Variants in BRINP2 observed in about 807,000 individuals in gnomAD.
BRINP2 encodes the protein BMP/retinoic acid-inducible neural-specific protein 2.
Under a neutral mutation model 69.2 loss-of-function variants are expected in BRINP2, and 21 were observed. The ratio of observed to expected loss-of-function variants is 0.30; its 90% CI spans 0.22 to 0.44. The LOEUF (loss-of-function observed/expected upper bound fraction) is 0.44, where lower values mean the gene tolerates loss of function less well. BRINP2 is among the 20% of genes least tolerant of loss of function. BRINP2 has a pLI of 1.00. For missense variants in BRINP2, 877 were observed against 986.0 expected, an observed-to-expected ratio of 0.89 and a Z score of 1.48; for synonymous variants, 380 against 394.1, an observed-to-expected ratio of 0.96 and a Z score of 0.42.
At chr1:177,185,454 T>C (rs1182970640) in intron 1 of BRINP2, among the ~76,000 whole-genome samples, 1 of 152,206 alleles carries the variant, frequency 6.6e-6, no homozygotes, top group Non-Finnish European at 1.5e-5. Flanking sequence ...CCCAGCCATA[T>C]TATCCCTATT....
chr1:177,265,691 A>G (rs372783485), intron 4 of BRINP2, among the ~76,000 whole-genome samples: 64 of 152,166 alleles, frequency 4.2e-4, no homozygotes, highest in African/African-American at 1.5e-3. Context: ...GCTGCAACCC[A>G]AGAGTCTGAA....
intron 2 of BRINP2, among the ~76,000 whole-genome samples, chr1:177,248,943 C>T (rs1048630115): frequency 6.6e-6 from 1 of 152,176 alleles, no homozygotes; most frequent in African/African-American, 2.4e-5. Context: ...TGCCTGAGAT[C>T]TGGCATGGCT....
chr1:177,248,494 CGT>C lies in BRINP2; in HGVS notation c.270-7410_270-7409del, dbSNP rs142068160. Among the ~76,000 whole-genome samples, 61 of 136,118 alleles carry C rather than the reference CGT, an allele frequency of 4.5e-4. 1 individual carries two copies. Among genetic ancestry groups the C allele is most frequent in the Admixed American group, 1.0e-3 (14 of 13,516 alleles). The allele number at this position is 136,118 out of a possible 152,430, so 89.3% of individuals were successfully genotyped here. A position where few individuals can be genotyped will look rare whatever the true frequency, so the allele number is the denominator to read the frequency against. On this transcript the variant is annotated intron_variant, in intron 2 of 7. Coordinates refer to ENST00000361539, the MANE Select transcript of BRINP2 (RefSeq NM_021165.4). ...GTGCGTGTGTGTGTGTGTGTGCGTG[CGT>C]GTGTGTGTGTGTGTATTTTTTTTTA...
At chr1:177,237,463 A>G (rs1296885824) in intron 2 of BRINP2, among the ~76,000 whole-genome samples, 1 of 152,204 alleles carries the variant, frequency 6.6e-6, no homozygotes, top group East Asian at 1.9e-4. Flanking sequence ...AATTCTTAGG[A>G]TGCCAGTCCC....
chr1:177,267,262 A>T (rs1463612855), intron 4 of BRINP2, among the ~76,000 whole-genome samples: 1 of 152,258 alleles, frequency 6.6e-6, no homozygotes, highest in African/African-American at 2.4e-5. Flanking sequence ...CGAACTTGGA[A>T]AAGTATGGTC....
At chr1:177,272,438 G>A (rs11582262) in intron 4 of BRINP2, among the ~76,000 whole-genome samples, 8 of 152,234 alleles carry the variant, frequency 5.3e-5, no homozygotes, top group Admixed American at 5.2e-4. Context: ...CTGTGTGCCA[G>A]AAACTGTGTT....
chr1:177,266,649 A>G (rs575082296), intron 4 of BRINP2, among the ~76,000 whole-genome samples: 7 of 150,830 alleles, frequency 4.6e-5, no homozygotes, highest in African/African-American at 9.7e-5. Context: ...AGTCCCAGCT[A>G]CTCGGGAGGG....
intron 1 of BRINP2, among the ~76,000 whole-genome samples, chr1:177,187,988 G>A (rs1233159698): frequency 6.6e-6 from 1 of 152,064 alleles, no homozygotes; most frequent in Non-Finnish European, 1.5e-5. Flanking sequence ...TAAATTTTCT[G>A]AGCCTCTATT....
intron 2 of BRINP2, among the ~76,000 whole-genome samples, chr1:177,235,733 T>G (rs1487497154): frequency 6.6e-6 from 1 of 152,128 alleles, no homozygotes; most frequent in Non-Finnish European, 1.5e-5. Context: ...CAAAGACAAC[T>G]TCAGTCTGCC....
chr1:177,259,861 C>T (rs1369733621), intron 4 of BRINP2, among the ~76,000 whole-genome samples: 2 of 152,116 alleles, frequency 1.3e-5, no homozygotes, highest in African/African-American at 2.4e-5. Flanking sequence ...TACTTGCTCA[C>T]CCAAGAGCTC....
chr1:177,249,873 CAT>C (rs759669692), intron 2 of BRINP2, among the ~76,000 whole-genome samples: 9 of 152,206 alleles, frequency 5.9e-5, no homozygotes, highest in Non-Finnish European at 8.8e-5. Context: ...AAACACCACT[CAT>C]AGATGTTTCT....
intron 1 of BRINP2, among the ~76,000 whole-genome samples, chr1:177,211,325 G>A (rs925662555): frequency 1.3e-5 from 2 of 152,080 alleles, no homozygotes; most frequent in African/African-American, 4.8e-5. Context: ...GGGAAGTTAT[G>A]CAAGACTATA....
At chr1:177,260,021 C>G (rs1023139786) in intron 4 of BRINP2, among the ~76,000 whole-genome samples, 1 of 152,144 alleles carries the variant, frequency 6.6e-6, no homozygotes, top group African/African-American at 2.4e-5. Context: ...GATAGTGATT[C>G]CTCTGACAAA....
chr1:177,259,924 C>A (rs372237999), intron 4 of BRINP2, among the ~76,000 whole-genome samples: 1 of 152,214 alleles, frequency 6.6e-6, no homozygotes, highest in African/African-American at 2.4e-5. Context: ...GCAAACACAG[C>A]ATCCATTCTG....
intron 1 of BRINP2, among the ~76,000 whole-genome samples, chr1:177,175,066 T>A (rs1648047487): frequency 6.6e-6 from 1 of 152,126 alleles, no homozygotes; most frequent in Non-Finnish European, 1.5e-5. Flanking sequence ...AGAGCCTTGA[T>A]TTTCCTTCAT....
chr1:177,213,787 C>T (rs949161755), intron 1 of BRINP2, among the ~76,000 whole-genome samples: 3 of 152,164 alleles, frequency 2.0e-5, no homozygotes, highest in Admixed American at 6.5e-5. Flanking sequence ...TAAATCATTA[C>T]ATTTCAGCCT....
intron 1 of BRINP2, among the ~76,000 whole-genome samples, chr1:177,194,116 G>A (rs1433484226): frequency 6.6e-6 from 1 of 152,146 alleles, no homozygotes; most frequent in East Asian, 1.9e-4. Context: ...ATGTTTGGCT[G>A]TATTTATTAT....
At chr1:177,260,993 G>A (rs1650931122) in intron 4 of BRINP2, among the ~76,000 whole-genome samples, 1 of 152,166 alleles carries the variant, frequency 6.6e-6, no homozygotes, top group South Asian at 2.1e-4. Flanking sequence ...AAAGGGTGAT[G>A]GGGATGTGGA....
chr1:177,208,795 A>G (rs142942498), intron 1 of BRINP2, among the ~76,000 whole-genome samples: 72 of 152,356 alleles, frequency 4.7e-4, no homozygotes, highest in African/African-American at 1.6e-3. Context: ...CTTTGAAGGC[A>G]CAAATAACAC....
Sources: allele counts gnomAD v4.1 joint callset (sites outside exome capture counted in the v4.1 genomes callset), GRCh38; gene constraint gnomAD v4.1.1; transcripts MANE v1.5; gene names NCBI Gene and HGNC (gene_info 2026-07-23, HGNC 2026-07-21).